Variants in SLC4A1AP observed in about 807,000 individuals in gnomAD.
The protein encoded by SLC4A1AP is solute carrier family 4 member 1 adaptor protein, also known as kanadaptin.
SLC4A1AP carries 64 observed loss-of-function variants against 89.7 expected under a neutral mutation model. The ratio of observed to expected loss-of-function variants is 0.71; its 90% CI spans 0.58 to 0.88. SLC4A1AP has a LOEUF of 0.88. SLC4A1AP is among the 40% of genes least tolerant of loss of function. SLC4A1AP has a pLI of 0.00. For synonymous variants in SLC4A1AP, 366 were observed against 353.3 expected (o/e 1.04, Z -0.40); for missense variants, 931 against 965.0 (o/e 0.96, Z 0.47).
chr2:27,687,288 TA>T (rs1675718161), intron 10 of SLC4A1AP, among the ~76,000 whole-genome samples: 1 of 152,086 alleles, frequency 6.6e-6, no homozygotes, highest in South Asian at 2.1e-4. Flanking sequence ...AACATATATA[TA>T]ACAAATTTTG....
intron 2 of SLC4A1AP, among the ~76,000 whole-genome samples, chr2:27,665,888 C>G (rs1418039205): frequency 6.6e-6 from 1 of 152,136 alleles, no homozygotes; most frequent in Non-Finnish European, 1.5e-5. Flanking sequence ...ATTACTTGTG[C>G]TAAGTGCCAA....
At chr2:27,666,365 C>CCA (rs1669540974) in intron 2 of SLC4A1AP, among the ~76,000 whole-genome samples, 2 of 37,652 alleles carry the variant, frequency 5.3e-5, no homozygotes, top group African/African-American at 1.6e-4. Flanking sequence ...CCCCACCCCC[C>CCA]CCCCCCACCC....
chr2:27,676,207 C>T (rs1371038784), intron 6 of SLC4A1AP, among the ~76,000 whole-genome samples: 2 of 152,138 alleles, frequency 1.3e-5, no homozygotes, highest in Non-Finnish European at 2.9e-5. Flanking sequence ...TAATGCAGAG[C>T]TTGACCAGAA....
intron 6 of SLC4A1AP, among the ~76,000 whole-genome samples, chr2:27,676,690 C>T (rs923758646): frequency 2.6e-5 from 4 of 151,366 alleles, no homozygotes; most frequent in African/African-American, 9.7e-5. Flanking sequence ...ATTAGACAGG[C>T]GTGGTGGTGT....
At chr2:27,674,774 C>T (rs1168305107) in intron 5 of SLC4A1AP, among the ~76,000 whole-genome samples, 2 of 147,558 alleles carry the variant, frequency 1.4e-5, no homozygotes, top group African/African-American at 5.0e-5. Flanking sequence ...TGCAGTGGCG[C>T]TTTCTCGGCT....
chr2:27,675,233 A>G (rs1289454177), intron 5 of SLC4A1AP, among the ~76,000 whole-genome samples: 1 of 152,154 alleles, frequency 6.6e-6, no homozygotes, highest in Non-Finnish European at 1.5e-5. Context: ...GTTAAACACT[A>G]ACTTCATTCT....
intron 8 of SLC4A1AP, among the ~76,000 whole-genome samples, chr2:27,681,265 T>G (rs1295362459): frequency 6.6e-6 from 1 of 152,152 alleles, no homozygotes; most frequent in Non-Finnish European, 1.5e-5. Flanking sequence ...CTGGTGGCCT[T>G]AGCAAGGGAA....
intron 8 of SLC4A1AP, among the ~76,000 whole-genome samples, chr2:27,681,100 T>G (rs1675611351): frequency 6.6e-6 from 1 of 152,222 alleles, no homozygotes; most frequent in Non-Finnish European, 1.5e-5. Flanking sequence ...TAGCTTATCC[T>G]CTAGGCCAGC....
At chr2:27,682,524 C>CTT (rs1169902483) in intron 9 of SLC4A1AP, among the ~76,000 whole-genome samples, 165 bp downstream of exon 9, 7 of 44,736 alleles carry the variant, frequency 1.6e-4, no homozygotes, top group South Asian at 9.0e-4. Flanking sequence ...TTCTTGGATT[C>CTT]TTTTTTTTTT....
chr2:27,664,012 G>A lies in SLC4A1AP; in HGVS notation c.260G>A (p.Ser87Asn), dbSNP rs374494178. The stretch of plus-strand genomic sequence containing the variant: ...CTGCCGGTGTCCCCAGCGGCGCGGA[G>A]TAAGGCCCCGGCCAGCAGTTCTTCA... Residue 87 changes from serine (S) to asparagine (N), a missense_variant, in exon 1 of 14, where the codon AGT (serine) becomes AAT (asparagine). Ser to Asn is a conservative substitution (Grantham distance 46, BLOSUM62 1). Coordinates refer to ENST00000613058, the Ensembl canonical transcript of SLC4A1AP. The A allele has an allele frequency of 6.2e-7, 1 of 1,614,126 alleles. No homozygotes were observed. Among genetic ancestry groups the A allele is most frequent in the African/African-American group, 1.3e-5 (1 of 74,952 alleles).
chr2:27,688,016 C>T (rs1196498310), exon 11 of SLC4A1AP: 2 of 1,613,238 alleles, frequency 1.2e-6, no homozygotes, highest in African/African-American at 2.7e-5. Flanking sequence ...GCGCAGGACC[C>T]TCAGGCAAGT....
exon 5 of SLC4A1AP, chr2:27,669,334 C>T (rs1337774494): frequency 1.2e-6 from 2 of 1,613,384 alleles, no homozygotes; most frequent in Admixed American, 1.7e-5. Flanking sequence ...ATCCAGTGCT[C>T]ATTGGAAGCT....
At chr2:27,671,276 A>G (rs1430438682) in intron 5 of SLC4A1AP, among the ~76,000 whole-genome samples, 1 of 152,188 alleles carries the variant, frequency 6.6e-6, no homozygotes, top group Non-Finnish European at 1.5e-5. Context: ...TTAGTCACTT[A>G]TTTTAGACGT....
intron 8 of SLC4A1AP, among the ~76,000 whole-genome samples, chr2:27,680,566 G>A (rs936774761): frequency 6.6e-6 from 1 of 152,010 alleles, no homozygotes; most frequent in African/African-American, 2.4e-5. Context: ...GAGGTGGGAG[G>A]ATGGCTTGAG....
chr2:27,669,826 G>A (rs755711651), intron 5 of SLC4A1AP, among the ~76,000 whole-genome samples: 4 of 152,084 alleles, frequency 2.6e-5, no homozygotes, highest in African/African-American at 4.8e-5. Flanking sequence ...TAGTAGCTGG[G>A]TCTATAGGTT....
intron 5 of SLC4A1AP, among the ~76,000 whole-genome samples, chr2:27,670,321 C>T (rs1307910785): frequency 6.6e-6 from 1 of 151,776 alleles, no homozygotes; most frequent in Non-Finnish European, 1.5e-5. Context: ...TACATCAATA[C>T]ATTAATATGT....
chr2:27,683,911 A>G (rs1399299978), intron 9 of SLC4A1AP, among the ~76,000 whole-genome samples: 2 of 150,432 alleles, frequency 1.3e-5, no homozygotes, highest in Non-Finnish European at 3.0e-5. Context: ...AATTTTTTGT[A>G]TTTTTTTTTA....
intron 13 of SLC4A1AP, 120 bp downstream of exon 13, chr2:27,693,874 C>A: frequency 1.6e-6 from 1 of 638,632 alleles, no homozygotes; most frequent in South Asian, 3.2e-5. Flanking sequence ...AATTTGTATA[C>A]CATGTTTGGA....
chr2:27,672,478 A>G (rs919616556), intron 5 of SLC4A1AP, among the ~76,000 whole-genome samples: 1 of 152,122 alleles, frequency 6.6e-6, no homozygotes, highest in Non-Finnish European at 1.5e-5. Flanking sequence ...TTTAATTTCT[A>G]AAAGTTCATT....
Sources: allele counts gnomAD v4.1 joint callset (sites outside exome capture counted in the v4.1 genomes callset), GRCh38; gene constraint gnomAD v4.1.1; transcripts MANE v1.5; gene names NCBI Gene and HGNC (gene_info 2026-07-23, HGNC 2026-07-21).